Variants in TSHZ2 observed in about 807,000 individuals in gnomAD.
TSHZ2 encodes teashirt zinc finger homeobox 2.
TSHZ2 carries 21 observed loss-of-function variants against 74.4 expected under a neutral mutation model. That is an observed-to-expected ratio of 0.28 (90% CI 0.20 to 0.41). TSHZ2 has a LOEUF of 0.41. TSHZ2 is among the 10% of genes least tolerant of loss of function. The pLI is 1.00. For synonymous variants in TSHZ2, 540 were observed against 515.3 expected (o/e 1.05, Z -0.65); for missense variants, 1,244 against 1,293.5 (o/e 0.96, Z 0.59).
intron 2 of TSHZ2, among the ~76,000 whole-genome samples, chr20:53,262,718 G>A (rs1054662701): frequency 1.3e-5 from 2 of 152,224 alleles, no homozygotes; most frequent in Non-Finnish European, 2.9e-5. Context: ...ATAAGGGAAT[G>A]TGTTAAGGGT....
chr20:52,994,367 T>C (rs1161715776), intron 1 of TSHZ2, among the ~76,000 whole-genome samples: 1 of 151,980 alleles, frequency 6.6e-6, no homozygotes, highest in Non-Finnish European at 1.5e-5. Context: ...GATTGATGGA[T>C]GGATGGATGA....
At chr20:53,404,092 G>T (rs6013679) in intron 2 of TSHZ2, among the ~76,000 whole-genome samples, 2,307 of 152,162 alleles carry the variant, frequency 0.015, 63 homozygotes, top group African/African-American at 0.053. Context: ...TTACAAGTTC[G>T]AGCTAACCAC....
intron 2 of TSHZ2, among the ~76,000 whole-genome samples, chr20:53,485,658 C>A (rs6091686): frequency 0.29 from 43,381 of 151,312 alleles, 6,567 homozygotes; most frequent in East Asian, 0.46. Context: ...GTAATGAACC[C>A]ACATCGTGCC....
intron 1 of TSHZ2, among the ~76,000 whole-genome samples, chr20:53,104,432 A>G (rs1986305758): frequency 6.6e-6 from 1 of 152,208 alleles, no homozygotes; most frequent in African/African-American, 2.4e-5. Flanking sequence ...TTTTAAGCAA[A>G]TAGGAGGTTT....
At chr20:53,250,901 T>TTGTGTGTGTGTG (rs11472057) in intron 1 of TSHZ2, among the ~76,000 whole-genome samples, 65 of 148,990 alleles carry the variant, frequency 4.4e-4, no homozygotes, top group Admixed American at 2.0e-3. Context: ...GGTGGGCAGA[T>TTGTGTGTGTGTG]TGTGTGTGTG....
At chr20:53,174,797 A>G (rs1458122033) in intron 1 of TSHZ2, among the ~76,000 whole-genome samples, 1 of 152,192 alleles carries the variant, frequency 6.6e-6, no homozygotes, top group Non-Finnish European at 1.5e-5. Context: ...ATTTAGACAA[A>G]TCCAGAGAAA....
chr20:53,469,943 C>A (rs183456398), intron 2 of TSHZ2, among the ~76,000 whole-genome samples: 66 of 151,920 alleles, frequency 4.3e-4, no homozygotes, highest in Non-Finnish European at 6.8e-4. Context: ...GGCAGGCAGG[C>A]AGACACAACC....
At chr20:53,130,881 G>A (rs1987084631) in intron 1 of TSHZ2, among the ~76,000 whole-genome samples, 1 of 152,180 alleles carries the variant, frequency 6.6e-6, no homozygotes, top group African/African-American at 2.4e-5. Flanking sequence ...TTCTAAGTGT[G>A]CCATTTTAGG....
intron 2 of TSHZ2, among the ~76,000 whole-genome samples, chr20:53,296,141 T>C (rs562625407): frequency 6.6e-6 from 1 of 152,006 alleles, no homozygotes; most frequent in African/African-American, 2.4e-5. Context: ...ATCTCCAAAA[T>C]TTTTTTTAAT....
At chr20:53,294,301 TGGCTTGATTTACTAGTTGAGATTCCATTA>T (rs893327668) in intron 2 of TSHZ2, among the ~76,000 whole-genome samples, 3 of 152,246 alleles carry the variant, frequency 2.0e-5, no homozygotes, top group Non-Finnish European at 4.4e-5. Flanking sequence ...GTTTGCTAAA[TGGCTTGATTTACTAGTTGAGATTCCATTA>T]GGTAAAGTCC....
At chr20:53,480,071 T>G (rs961544139) in intron 2 of TSHZ2, among the ~76,000 whole-genome samples, 1 of 12,026 alleles carries the variant, frequency 8.3e-5, no homozygotes, top group Non-Finnish European at 1.2e-4. Flanking sequence ...AGGTTTTTGT[T>G]TTTTTTTTTT....
intron 2 of TSHZ2, among the ~76,000 whole-genome samples, chr20:53,331,428 G>T (rs1419065646): frequency 6.6e-6 from 1 of 152,108 alleles, no homozygotes; most frequent in African/African-American, 2.4e-5. Flanking sequence ...GATTTAATGT[G>T]AGGGAGCACA....
At chr20:53,434,650 A>G (rs1285049069) in intron 2 of TSHZ2, among the ~76,000 whole-genome samples, 1 of 152,222 alleles carries the variant, frequency 6.6e-6, no homozygotes, top group African/African-American at 2.4e-5. Context: ...CCCAGCTACA[A>G]CAAACACACA....
chr20:53,491,744 A>G lies in TSHZ2; in HGVS notation c.*4609A>G, dbSNP rs944628798. Reference sequence around the variant, plus strand: ...AATAGGACTGTTTTAAAATGCTAGTACCAGGTGGAACGCTATTTCTGCAAC... The same window carrying G: ...AATAGGACTGTTTTAAAATGCTAGTGCCAGGTGGAACGCTATTTCTGCAAC... On this transcript the variant is annotated 3_prime_UTR_variant, in exon 3 of 3. Coordinates refer to ENST00000371497, the MANE Select transcript of TSHZ2 (RefSeq NM_173485.6). The G allele has an allele frequency of 5.9e-5, 9 of 152,198 alleles. No individual in the cohort carries two copies. Among genetic ancestry groups the G allele is most frequent in the Non-Finnish European group, 1.0e-4 (7 of 68,032 alleles). The allele number at this position is 152,198 out of a possible 1,614,324, so 9.4% of individuals were successfully genotyped here. A position where few individuals can be genotyped will look rare whatever the true frequency, so the allele number is the denominator to read the frequency against.
At chr20:53,160,185 A>G (rs1407562047) in intron 1 of TSHZ2, among the ~76,000 whole-genome samples, 1 of 152,202 alleles carries the variant, frequency 6.6e-6, no homozygotes, top group Non-Finnish European at 1.5e-5. Flanking sequence ...TTGGGGAGGC[A>G]GGTATCTCTG....
At chr20:53,086,366 A>C (rs1985699397) in intron 1 of TSHZ2, among the ~76,000 whole-genome samples, 1 of 151,596 alleles carries the variant, frequency 6.6e-6, no homozygotes, top group African/African-American at 2.4e-5. Flanking sequence ...ATCTCCATTC[A>C]GATTTTTGGG....
intron 1 of TSHZ2, among the ~76,000 whole-genome samples, chr20:53,203,338 G>A (rs1405056411): frequency 6.6e-6 from 1 of 151,952 alleles, no homozygotes; most frequent in Non-Finnish European, 1.5e-5. Context: ...GGGATTATAG[G>A]CACCCACCAC....
At chr20:53,092,855 G>GAT (rs1271535892) in intron 1 of TSHZ2, among the ~76,000 whole-genome samples, 2 of 152,136 alleles carry the variant, frequency 1.3e-5, no homozygotes, top group African/African-American at 4.8e-5. Flanking sequence ...AAGGGCAGTG[G>GAT]ATATATATGT....
chr20:53,284,919 C>T (rs796483405), intron 2 of TSHZ2, among the ~76,000 whole-genome samples: 12 of 152,280 alleles, frequency 7.9e-5, no homozygotes, highest in African/African-American at 2.9e-4. Context: ...CTGATCGTTT[C>T]AGTTCAGTGA....
Sources: allele counts gnomAD v4.1 joint callset (sites outside exome capture counted in the v4.1 genomes callset), GRCh38; gene constraint gnomAD v4.1.1; transcripts MANE v1.5; gene names NCBI Gene and HGNC (gene_info 2026-07-23, HGNC 2026-07-21).